The following TTC27 variants were observed in gnomAD, a reference collection of about 807,000 sequenced individuals.
TTC27 encodes the protein tetratricopeptide repeat domain 27, also known as tetratricopeptide repeat protein 27.
A neutral mutation model predicts 115.9 loss-of-function variants in TTC27; 79 were observed. That is an observed-to-expected ratio of 0.68 (90% CI 0.57 to 0.82). The LOEUF is 0.82. TTC27 is among the 40% of genes least tolerant of loss of function. The pLI is 0.00. For missense variants in TTC27, 1,054 were observed against 993.1 expected (o/e 1.06, Z -0.82); for synonymous variants, 401 against 356.0 (o/e 1.13, Z -1.42).
chr2:32,758,649 C>T, intron 13 of TTC27, 130 bp downstream of exon 13: 3 of 796,518 alleles, frequency 3.8e-6, no homozygotes, highest in Non-Finnish European at 3.9e-6. Context: ...AGAACTTAGT[C>T]TCTAATAGAC....
At chr2:32,714,554 A>C (rs183562933) in intron 10 of TTC27, among the ~76,000 whole-genome samples, 102 of 152,290 alleles carry the variant, frequency 6.7e-4, no homozygotes, top group African/African-American at 2.3e-3. Context: ...ATGAACATAC[A>C]CACACATGTG....
In TTC27 at chr2:32,702,836, C is replaced by T. The variant is rs145353682; in HGVS notation, c.1149C>T (p.Ala383=). 4.0e-4 allele frequency: 651 copies of T among 1,613,944 alleles called. 12 individuals are homozygous for T. In the South Asian group the frequency reaches 6.6e-3, roughly 16 times the overall value. Residue 383 remains alanine, a synonymous_variant, in exon 10 of 20, where the codon GCC becomes GCT. Transcript: ENST00000317907. The part of the protein sequence containing the change: ...SCLLSQPKFW[A]IQTSALILRT... ...TGCTTTCACAACCAAAGTTCTGGGC[C>T]ATTCAGACATCAGCCTTGATCCTCC...
At chr2:32,690,000 AT>A (rs1226913560) in intron 9 of TTC27, among the ~76,000 whole-genome samples, 4 of 152,192 alleles carry the variant, frequency 2.6e-5, no homozygotes, top group Non-Finnish European at 1.5e-5. Flanking sequence ...AAATATTAAC[AT>A]TTGGGGAACT....
chr2:32,646,289 C>G (rs2710618), intron 4 of TTC27, among the ~76,000 whole-genome samples: 150,575 of 151,872 alleles, frequency 0.99, 74,659 homozygotes, highest in Middle Eastern at 1. Context: ...TGGCCTCCCA[C>G]AGTGCTGGGA....
chr2:32,810,064 G>A (rs1319891526), intron 16 of TTC27, among the ~76,000 whole-genome samples: 1 of 147,126 alleles, frequency 6.8e-6, no homozygotes, highest in African/African-American at 2.5e-5. Context: ...TTGTGGTGCT[G>A]AGATCATACC....
At chr2:32,808,277 C>T (rs563556689) in intron 16 of TTC27, among the ~76,000 whole-genome samples, 41 of 152,280 alleles carry the variant, frequency 2.7e-4, no homozygotes, top group African/African-American at 9.6e-4. Flanking sequence ...AAGATTCTAT[C>T]CTCAGCCTTA....
intron 11 of TTC27, among the ~76,000 whole-genome samples, chr2:32,734,596 T>C (rs1444178420): frequency 6.6e-6 from 1 of 152,150 alleles, no homozygotes; most frequent in Non-Finnish European, 1.5e-5. Context: ...GTCTACATGG[T>C]TCTCCTGTAT....
chr2:32,644,916 C>T, intron 4 of TTC27, among the ~76,000 whole-genome samples: 1 of 131,020 alleles, frequency 7.6e-6, no homozygotes. Flanking sequence ...CTGTGTTGTC[C>T]AGGATGGCCT....
intron 10 of TTC27, among the ~76,000 whole-genome samples, chr2:32,712,971 G>A (rs929977599): frequency 3.3e-5 from 5 of 152,092 alleles, no homozygotes; most frequent in African/African-American, 1.2e-4. Context: ...AGTATTGAGA[G>A]ATGGCACCTT....
intron 16 of TTC27, among the ~76,000 whole-genome samples, chr2:32,804,010 TAAA>T (rs56712262): frequency 7.5e-6 from 1 of 133,914 alleles, no homozygotes. Context: ...CCATCTCAAT[TAAA>T]AAAAAAAAAA....
intron 7 of TTC27, 108 bp from the exon 8 acceptor site, chr2:32,672,164 C>T (rs2295731): frequency 1.4e-6 from 1 of 723,712 alleles, no homozygotes; most frequent in Non-Finnish European, 2.3e-6. Context: ...GACCATATGT[C>T]AAACAGGTAA....
chr2:32,707,497 G>C (rs1172719398), intron 10 of TTC27, among the ~76,000 whole-genome samples: 1 of 152,100 alleles, frequency 6.6e-6, no homozygotes, highest in East Asian at 1.9e-4. Context: ...TAGCACTGTT[G>C]AATTTGTAAA....
At chr2:32,674,661 A>AT (rs532166973) in intron 8 of TTC27, among the ~76,000 whole-genome samples, 10,657 of 142,608 alleles carry the variant, frequency 0.075, 585 homozygotes, top group Admixed American at 0.16. Context: ...CAGTGACAGA[A>AT]TTTTTTTTTT....
intron 15 of TTC27, among the ~76,000 whole-genome samples, chr2:32,784,288 G>C (rs1433454401): frequency 6.6e-6 from 1 of 152,092 alleles, no homozygotes; most frequent in African/African-American, 2.4e-5. Flanking sequence ...CCACAAATAG[G>C]TTTTCATGCA....
intron 13 of TTC27, among the ~76,000 whole-genome samples, chr2:32,760,509 A>T (rs572007068): frequency 1.3e-5 from 2 of 152,180 alleles, no homozygotes; most frequent in Non-Finnish European, 2.9e-5. Flanking sequence ...AATAAAGATT[A>T]TCTGGCCTGT....
chr2:32,750,523 A>G (rs1310212100), intron 12 of TTC27, among the ~76,000 whole-genome samples: 3 of 152,242 alleles, frequency 2.0e-5, no homozygotes, highest in Non-Finnish European at 2.9e-5. Context: ...GCAAGTTGAC[A>G]TAGCATAATC....
rs1227638037 is a variant in TTC27 at position 32,702,893 on chromosome 2, A to C, written c.1206A>C (p.Arg402=). ...RTKLEKGSTR[R]VERAMRQTQA... ...AACTTGAGAAAGGAAGTACTCGCCG[A>C]GTGGAACGGGCAATGAGGCAGACAC... The change falls in exon 10 of 20, where the codon CGA becomes CGC. Residue 402 remains arginine, a synonymous_variant. Transcript: ENST00000317907. 9 of 1,614,110 alleles carry C rather than the reference A, an allele frequency of 5.6e-6. No homozygotes were observed. Among genetic ancestry groups the C allele is most frequent in the Non-Finnish European group, 6.8e-6 (8 of 1,179,968 alleles).
At chr2:32,704,807 A>T (rs188586702) in intron 10 of TTC27, 1 of 465,034 alleles carries the variant, frequency 2.2e-6, no homozygotes, top group African/African-American at 2.0e-5. Flanking sequence ...GATTCAGGTC[A>T]TAGAATTTTG....
chr2:32,693,902 A>G (rs1331456492), intron 9 of TTC27, among the ~76,000 whole-genome samples: 1 of 152,260 alleles, frequency 6.6e-6, no homozygotes, highest in Non-Finnish European at 1.5e-5. Flanking sequence ...GTGCCTGAAC[A>G]GCACATAGAA....
Sources: gnomAD v4.1 joint callset for allele counts (sites outside exome capture counted in the v4.1 genomes callset) on GRCh38, gnomAD v4.1.1 for gene constraint, MANE v1.5 for transcripts, NCBI Gene and HGNC (gene_info 2026-07-23, HGNC 2026-07-21) for gene names.